Variants in NEDD4 observed in about 807,000 individuals in gnomAD.
NEDD4 encodes E3 ubiquitin-protein ligase NEDD4.
A neutral mutation model predicts 144.9 loss-of-function variants in NEDD4; 99 were observed. That is an observed-to-expected ratio of 0.68 (90% CI 0.58 to 0.81). NEDD4 has a LOEUF of 0.81. Among genes scored for constraint, NEDD4 ranks in the 30% least tolerant of loss-of-function variants. The probability of loss-of-function intolerance (pLI) is 0.00; values close to 1 mark genes in which losing one functional copy is unlikely to be tolerated. For missense variants in NEDD4, 985 were observed against 1,065.9 expected (o/e 0.92, Z 1.06); for synonymous variants, 318 against 350.6 (o/e 0.91, Z 1.04).
intron 5 of NEDD4, among the ~76,000 whole-genome samples, chr15:55,887,833 C>T (rs953473120): frequency 3.0e-4 from 45 of 152,098 alleles, no homozygotes; most frequent in African/African-American, 1.0e-3. Flanking sequence ...TCAAGATATG[C>T]AAATTAATGA....
chr15:55,915,323 G>A (rs770265553), intron 5 of NEDD4: 4 of 1,607,398 alleles, frequency 2.5e-6, no homozygotes, highest in Admixed American at 3.4e-5. Flanking sequence ...AATCTCTGTT[G>A]CTGTCTCTTG....
chr15:55,828,402 A>T lies in NEDD4; in HGVS notation c.*1495T>A, dbSNP rs1376498443. Reference sequence around the variant, plus strand: ...ATCTTTTTAAGAGCATTTTCTATATAATCATTCCAATATAAGGATGAAACA... The same window carrying T: ...ATCTTTTTAAGAGCATTTTCTATATTATCATTCCAATATAAGGATGAAACA... On this transcript the variant is annotated 3_prime_UTR_variant, in exon 29 of 29. Transcript: ENST00000435532. 1 of 152,230 alleles carries T rather than the reference A, an allele frequency of 6.6e-6. No homozygotes were observed. The highest frequency in any genetic ancestry group is 1.5e-5 in the Non-Finnish European group (1 of 68,050). The allele number at this position is 152,230 out of a possible 1,614,324, so 9.4% of individuals were successfully genotyped here.
intron 9 of NEDD4, 147 bp downstream of exon 9, chr15:55,862,766 T>C (rs2034452964): frequency 1.5e-6 from 1 of 683,324 alleles, no homozygotes; most frequent in South Asian, 5.6e-5. Context: ...GTTAGGATTT[T>C]TAAAGTCCTG....
chr15:55,830,105 C>T (rs144113886), intron 28 of NEDD4, 106 bp from the exon 29 acceptor site: 11 of 763,782 alleles, frequency 1.4e-5, no homozygotes, highest in Non-Finnish European at 2.2e-5. Context: ...TCCAACACCA[C>T]CAAAATATGT....
At chr15:55,934,233 T>C (rs2142257925) in intron 4 of NEDD4, among the ~76,000 whole-genome samples, 1 of 152,354 alleles carries the variant, frequency 6.6e-6, no homozygotes, top group East Asian at 1.9e-4. Flanking sequence ...AATGGGCTAA[T>C]ACAGCTTCTT....
At chr15:55,911,175 C>T (rs775749408) in intron 5 of NEDD4, among the ~76,000 whole-genome samples, 5 of 152,158 alleles carry the variant, frequency 3.3e-5, no homozygotes, top group Non-Finnish European at 5.9e-5. Flanking sequence ...TAGGGGACAT[C>T]TGGCAATGTC....
At chr15:55,935,780 G>A (rs1172909225) in intron 4 of NEDD4, among the ~76,000 whole-genome samples, 9 of 147,730 alleles carry the variant, frequency 6.1e-5, no homozygotes, top group African/African-American at 1.5e-4. Context: ...CCGGGAGGCA[G>A]AGGTTGCAGT....
chr15:55,974,050 G>A (rs2037659189), intron 1 of NEDD4, among the ~76,000 whole-genome samples: 1 of 151,948 alleles, frequency 6.6e-6, no homozygotes, highest in Admixed American at 6.6e-5. Context: ...AAGGAGAGAA[G>A]GCCCAAATAA....
At chr15:55,926,698 G>A (rs376470305) in intron 4 of NEDD4, among the ~76,000 whole-genome samples, 2 of 151,862 alleles carry the variant, frequency 1.3e-5, no homozygotes, top group African/African-American at 2.4e-5. Flanking sequence ...CCTGGGAGGC[G>A]GAGGTTGCAG....
chr15:55,980,086 G>A (rs2037773606), intron 1 of NEDD4, among the ~76,000 whole-genome samples: 1 of 151,986 alleles, frequency 6.6e-6, no homozygotes, highest in Admixed American at 6.5e-5. Context: ...GGGATTACAG[G>A]CGCGTGCCAC....
rs184103907 is a variant in NEDD4 at position 55,916,751 on chromosome 15, C to T, written c.291+7895G>A. ...TGAAGCACATGTGAACATGGCTATC[C>T]AAGTCATCTCCGGAGGTTTCTGACA... On this transcript the variant is annotated intron_variant, in intron 5 of 28. Transcript: ENST00000435532. 5.3e-5 allele frequency: 86 copies of T among 1,613,968 alleles called. No homozygotes were observed. In the Admixed American group the frequency reaches 1.1e-3, roughly 21 times the overall value.
chr15:55,966,620 A>G (rs1012904500), intron 1 of NEDD4, 74 bp from the exon 2 acceptor site: 47 of 647,012 alleles, frequency 7.3e-5, no homozygotes, highest in South Asian at 1.2e-4. Flanking sequence ...TAAAAAATAT[A>G]TATCAAATAA....
At chr15:55,889,806 T>C (rs909907324) in intron 5 of NEDD4, among the ~76,000 whole-genome samples, 2 of 152,112 alleles carry the variant, frequency 1.3e-5, no homozygotes, top group Non-Finnish European at 1.5e-5. Context: ...GTTCAAGCAA[T>C]TCTTGTGCCT....
intron 4 of NEDD4, 25 bp from the exon 5 acceptor site, chr15:55,924,724 A>T: frequency 6.3e-7 from 1 of 1,589,384 alleles, no homozygotes; most frequent in Non-Finnish European, 8.6e-7. Context: ...ATCTTTATTT[A>T]AAAACAAGTA....
chr15:55,883,588 T>C (rs1294208277), intron 5 of NEDD4, among the ~76,000 whole-genome samples: 2 of 152,046 alleles, frequency 1.3e-5, no homozygotes, highest in African/African-American at 4.8e-5. Context: ...GACTCAGTGC[T>C]GTGCTGGCTT....
intron 12 of NEDD4, among the ~76,000 whole-genome samples, chr15:55,853,764 G>A (rs929921132): frequency 4.6e-5 from 7 of 152,124 alleles, no homozygotes; most frequent in South Asian, 2.1e-4. Context: ...TGAGGTGGGC[G>A]GATCACCTGA....
intron 1 of NEDD4, among the ~76,000 whole-genome samples, chr15:55,988,486 T>TAAAAAAAAAAA (rs1491422042): frequency 6.1e-5 from 2 of 32,884 alleles, no homozygotes; most frequent in East Asian, 6.1e-4. Flanking sequence ...AAAAAAAAAA[T>TAAAAAAAAAAA]TAAAAAAAAA....
chr15:55,966,407 A>C, intron 2 of NEDD4, 66 bp downstream of exon 2: 1 of 969,544 alleles, frequency 1.0e-6, no homozygotes, highest in Non-Finnish European at 1.5e-6. Flanking sequence ...AATTTAACCA[A>C]AGTTTGGAAA....
At chr15:55,850,456 T>C in intron 14 of NEDD4, 86 bp downstream of exon 14, 1 of 1,234,024 alleles carries the variant, frequency 8.1e-7, no homozygotes, top group Non-Finnish European at 1.2e-6. Flanking sequence ...TAGGTTATAC[T>C]AATACATACT....
Sources: gnomAD v4.1 joint callset for allele counts (sites outside exome capture counted in the v4.1 genomes callset) on GRCh38, gnomAD v4.1.1 for gene constraint, MANE v1.5 for transcripts, NCBI Gene and HGNC (gene_info 2026-07-23, HGNC 2026-07-21) for gene names.